OR2I1: variants seen among roughly 807,000 people sequenced by gnomAD.
OR2I1 encodes olfactory receptor family 2 subfamily I member 1 (gene/pseudogene).
chr6:29,556,052 G>A, the OR2I1 span: 1 of 1,613,122 alleles, frequency 6.2e-7, no homozygotes, highest in Non-Finnish European at 8.5e-7. Context: ...CACTGAGCTG[G>A]ACCTTCGCAC....
the OR2I1 span, chr6:29,555,610 G>A: frequency 1.4e-4 from 62 of 451,592 alleles, no homozygotes; most frequent in Non-Finnish European, 4.6e-5. Flanking sequence ...TAAATTCCAA[G>A]CTGGCTTTGA....
At chr6:29,555,821 G>T in the OR2I1 span, 1 of 1,359,196 alleles carries the variant, frequency 7.4e-7, no homozygotes. Context: ...TGTTCGTTGA[G>T]TAAGAGATTA....
chr6:29,556,155 G>C, the OR2I1 span: 5 of 1,613,062 alleles, frequency 3.1e-6, no homozygotes, highest in Non-Finnish European at 4.2e-6. Flanking sequence ...AGGGTAAGGT[G>C]GATGGTCTTC....
At chr6:29,553,173 C>A in the OR2I1 span, 1 of 398,606 alleles carries the variant, frequency 2.5e-6, no homozygotes, top group South Asian at 1.3e-4. Context: ...AAGGGGTAGT[C>A]ACCCTTTTTT....
At chr6:29,552,466 C>T in the OR2I1 span, among the ~76,000 whole-genome samples, 1 of 152,134 alleles carries the variant, frequency 6.6e-6, no homozygotes, top group African/African-American at 2.4e-5. Context: ...GGGGCATGGA[C>T]GTTGGGAGTA....
the OR2I1 span, chr6:29,556,490 CT>C: frequency 1.7e-6 from 1 of 600,972 alleles, no homozygotes; most frequent in Non-Finnish European, 2.9e-6. Context: ...CCCTCTCTTT[CT>C]TGGAACTTCT....
the OR2I1 span, chr6:29,556,221 C>T: frequency 1.9e-6 from 3 of 1,613,048 alleles, no homozygotes; most frequent in Admixed American, 3.3e-5. Flanking sequence ...ATCTTGGAGC[C>T]CAGCAAAAGA....
At chr6:29,553,185 T>C in the OR2I1 span, 1 of 398,602 alleles carries the variant, frequency 2.5e-6, no homozygotes, top group Non-Finnish European at 4.4e-6. Flanking sequence ...CCCTTTTTTA[T>C]TTCGACCTTC....
the OR2I1 span, chr6:29,556,431 C>A: frequency 1.0e-5 from 10 of 989,430 alleles, no homozygotes; most frequent in South Asian, 4.7e-5. Flanking sequence ...ATGGCTCCCC[C>A]TCTTCCACTA....
the OR2I1 span, among the ~76,000 whole-genome samples, chr6:29,551,274 AC>A: frequency 6.6e-6 from 1 of 152,196 alleles, no homozygotes; most frequent in Non-Finnish European, 1.5e-5. Flanking sequence ...CTCTGATATG[AC>A]CCCAAATTAT....
the OR2I1 span, chr6:29,555,377 G>C: frequency 6.4e-6 from 1 of 155,800 alleles, no homozygotes; most frequent in Admixed American, 6.3e-5. Flanking sequence ...GATCATGTCA[G>C]AGCAACTAAT....
the OR2I1 span, chr6:29,556,673 T>G: frequency 6.2e-6 from 2 of 323,110 alleles, no homozygotes; most frequent in Admixed American, 8.9e-5. Flanking sequence ...ACTTAGTCAT[T>G]GGGCCAAGGG....
chr6:29,550,467 T>C, the OR2I1 span: 1 of 152,214 alleles, frequency 6.6e-6, no homozygotes, highest in Non-Finnish European at 1.5e-5. Flanking sequence ...AGGAGGGATA[T>C]TTGCTACCAC....
the OR2I1 span, chr6:29,553,164 AG>A: frequency 2.5e-6 from 1 of 398,410 alleles, no homozygotes; most frequent in African/African-American, 2.1e-5. Flanking sequence ...TTTGCTTATA[AG>A]GGGTAGTCAC....
At chr6:29,556,636 CA>C in the OR2I1 span, 1 of 428,858 alleles carries the variant, frequency 2.3e-6, no homozygotes, top group Non-Finnish European at 4.1e-6. Flanking sequence ...CTCTTTTGCT[CA>C]GGGGGACCCT....
At chr6:29,556,145 AG>A in the OR2I1 span, 1 of 1,613,066 alleles carries the variant, frequency 6.2e-7, no homozygotes, top group Admixed American at 1.7e-5. Flanking sequence ...CACCACTTTC[AG>A]GGTAAGGTGG....
chr6:29,551,106 G>A, the OR2I1 span, among the ~76,000 whole-genome samples: 1 of 152,286 alleles, frequency 6.6e-6, no homozygotes, highest in African/African-American at 2.4e-5. Context: ...TGTTTTCATG[G>A]TGTGGCATAT....
At chr6:29,555,717 T>A in the OR2I1 span, 1 of 595,716 alleles carries the variant, frequency 1.7e-6, no homozygotes, top group Non-Finnish European at 3.0e-6. Flanking sequence ...CAAAGAAACA[T>A]AGAGTTGGGC....
At chr6:29,550,999 G>C in the OR2I1 span, 1 of 152,202 alleles carries the variant, frequency 6.6e-6, no homozygotes, top group Non-Finnish European at 1.5e-5. Context: ...GGGAGATGAT[G>C]GGTTTATGTG....
Sources: allele counts gnomAD v4.1 joint callset (sites outside exome capture counted in the v4.1 genomes callset), GRCh38; gene constraint gnomAD v4.1.1; transcripts MANE v1.5; gene names NCBI Gene and HGNC (gene_info 2026-07-23, HGNC 2026-07-21).